The following PCDH11X variants were observed in gnomAD, a reference collection of about 807,000 sequenced individuals.
PCDH11X encodes protocadherin-11 X-linked.
PCDH11X carries 18 observed loss-of-function variants against 53.3 expected under a neutral mutation model. The observed-to-expected ratio is 0.34, with a 90% CI of 0.23 to 0.50. PCDH11X has a LOEUF of 0.50. Among genes scored for constraint, PCDH11X ranks in the 20% least tolerant of loss-of-function variants. The pLI is 0.98. For synonymous variants in PCDH11X, 279 were observed against 393.3 expected (o/e 0.71, Z 3.44); for missense variants, 570 against 1,032.4 (o/e 0.55, Z 6.14).
At chrX:92,039,321 T>G (rs2148027657) in intron 6 of PCDH11X, among the ~76,000 whole-genome samples, 1 of 112,550 alleles carries the variant, frequency 8.9e-6, no homozygotes, top group African/African-American at 3.2e-5. Context: ...TTCCAGGCCC[T>G]GTGCCGGTCC....
chrX:91,785,753 T>C (rs1935316107), intron 1 of PCDH11X, among the ~76,000 whole-genome samples: 1 of 108,249 alleles, frequency 9.2e-6, no homozygotes, highest in Non-Finnish European at 1.9e-5. Flanking sequence ...CAAACTGGCT[T>C]GCTATGTTCA....
intron 7 of PCDH11X, among the ~76,000 whole-genome samples, chrX:92,245,701 A>T (rs2067337045): frequency 8.9e-6 from 1 of 111,912 alleles, no homozygotes; most frequent in African/African-American, 3.2e-5. Context: ...GCTTTGACAC[A>T]TTGGGCAGTC....
chrX:92,035,208 T>C (rs2063110595), intron 6 of PCDH11X, among the ~76,000 whole-genome samples: 1 of 111,731 alleles, frequency 9.0e-6, no homozygotes, highest in African/African-American at 3.3e-5. Context: ...TCTGTGTTTT[T>C]CTGTGTGCTT....
intron 8 of PCDH11X, among the ~76,000 whole-genome samples, chrX:92,307,626 T>TG (rs2068859551): frequency 1.8e-5 from 2 of 110,222 alleles, no homozygotes; most frequent in Non-Finnish European, 3.8e-5. Flanking sequence ...ATATGCATTA[T>TG]GGCCTGATTT....
At chrX:92,257,335 G>A (rs150438718) in intron 7 of PCDH11X, among the ~76,000 whole-genome samples, 92 of 110,707 alleles carry the variant, frequency 8.3e-4, no homozygotes, top group African/African-American at 3.0e-3. Context: ...ATTTGAGTGG[G>A]GGCACTGATC....
intron 10 of PCDH11X, among the ~76,000 whole-genome samples, chrX:92,527,696 C>T (rs749121900): frequency 1.3e-4 from 14 of 111,362 alleles, no homozygotes; most frequent in African/African-American, 3.9e-4. Context: ...AAAAGAGCAA[C>T]GCATAAAATA....
At chrX:92,349,857 G>A (rs1370685601) in intron 8 of PCDH11X, among the ~76,000 whole-genome samples, 2 of 108,386 alleles carry the variant, frequency 1.8e-5, no homozygotes, top group African/African-American at 3.4e-5. Context: ...TCTGAGGACG[G>A]TAAGGTAGGC....
At chrX:91,935,441 C>T (rs1274441321) in intron 6 of PCDH11X, among the ~76,000 whole-genome samples, 4 of 111,372 alleles carry the variant, frequency 3.6e-5, no homozygotes, top group Non-Finnish European at 7.5e-5. Context: ...TCCTAAAGAA[C>T]ATTCATTCCT....
chrX:92,163,139 AC>A, intron 6 of PCDH11X, among the ~76,000 whole-genome samples: 1 of 106,496 alleles, frequency 9.4e-6, no homozygotes, highest in East Asian at 3.1e-4. Flanking sequence ...TACAGACCTC[AC>A]CTAGCTCTCA....
At chrX:92,588,600 A>G (rs1924663203) in intron 10 of PCDH11X, among the ~76,000 whole-genome samples, 1 of 109,569 alleles carries the variant, frequency 9.1e-6, no homozygotes, top group African/African-American at 3.3e-5. Flanking sequence ...GTATGAAAAT[A>G]CACAGAGAAG....
rs781150398 is a variant in PCDH11X at position 92,254,271 on chromosome X, T to C, written c.3115-8843T>C. Among the ~76,000 whole-genome samples the C allele has an allele frequency of 3.5e-4, 39 of 111,223 alleles. No individual in the cohort carries two copies. In the East Asian group the frequency reaches 0.011, roughly 30 times the overall value. On this transcript the variant is annotated intron_variant, in intron 7 of 10. Coordinates refer to ENST00000682573, the MANE Select transcript of PCDH11X (RefSeq NM_032968.5). The stretch of plus-strand genomic sequence containing the variant: ...GAGACTAGGATTGCAACCCCTGCCT[T>C]TTTTTGTTTTCCATTTGCTTGGTAG...
intron 9 of PCDH11X, among the ~76,000 whole-genome samples, chrX:92,416,727 T>C (rs2071821333): frequency 2.7e-5 from 3 of 110,852 alleles, no homozygotes; most frequent in African/African-American, 9.8e-5. Flanking sequence ...CTGATAAATG[T>C]GTGCAATTAT....
At chrX:92,409,075 G>A (rs763138892) in intron 9 of PCDH11X, among the ~76,000 whole-genome samples, 168 of 103,213 alleles carry the variant, frequency 1.6e-3, no homozygotes, top group African/African-American at 6.4e-3. Flanking sequence ...AGGAGGTGGT[G>A]GACAAGCCAT....
chrX:92,597,730 G>T (rs1324288506), intron 10 of PCDH11X, among the ~76,000 whole-genome samples: 1 of 111,205 alleles, frequency 9.0e-6, no homozygotes, highest in African/African-American at 3.3e-5. Flanking sequence ...AGTTATCTTA[G>T]GCAAAAAGAA....
chrX:92,297,454 TGTAG>T (rs1041839369), intron 8 of PCDH11X, among the ~76,000 whole-genome samples: 2 of 110,836 alleles, frequency 1.8e-5, no homozygotes, highest in African/African-American at 6.6e-5. Flanking sequence ...ATCAGATGGT[TGTAG>T]GTATGCGGCT....
chrX:92,049,869 G>T (rs1290953355), intron 6 of PCDH11X, among the ~76,000 whole-genome samples: 2 of 111,574 alleles, frequency 1.8e-5, no homozygotes, highest in Non-Finnish European at 1.9e-5. Context: ...TGCCTCTCAG[G>T]TTCAAGTGAT....
intron 8 of PCDH11X, among the ~76,000 whole-genome samples, chrX:92,302,353 C>T (rs1411671675): frequency 1.8e-5 from 2 of 110,609 alleles, no homozygotes; most frequent in Non-Finnish European, 3.8e-5. Flanking sequence ...ACCACAGACT[C>T]TCGCTCTTTT....
At chrX:92,108,431 G>C (rs2064432690) in intron 6 of PCDH11X, among the ~76,000 whole-genome samples, 1 of 111,805 alleles carries the variant, frequency 8.9e-6, no homozygotes, top group African/African-American at 3.3e-5. Context: ...ATTTTTGGTA[G>C]AGGCTTAGAA....
At chrX:92,114,341 C>A (rs1235220880) in intron 6 of PCDH11X, 1 of 1,119,433 alleles carries the variant, frequency 8.9e-7, no homozygotes, top group Non-Finnish European at 1.2e-6. Flanking sequence ...AGAAGGGACT[C>A]CGAGAGGTTC....
Sources: allele counts gnomAD v4.1 joint callset (sites outside exome capture counted in the v4.1 genomes callset), GRCh38; gene constraint gnomAD v4.1.1; transcripts MANE v1.5; gene names NCBI Gene and HGNC (gene_info 2026-07-23, HGNC 2026-07-21).